The following DLG5 variants were observed in gnomAD, a reference collection of about 807,000 sequenced individuals.
DLG5 encodes the protein discs large MAGUK scaffold protein 5.
Under a neutral mutation model 189.8 loss-of-function variants are expected in DLG5, and 48 were observed. The observed-to-expected ratio is 0.25, with a 90% CI of 0.20 to 0.32. The LOEUF (loss-of-function observed/expected upper bound fraction) is 0.32, where lower values mean the gene tolerates loss of function less well. Among genes scored for constraint, DLG5 ranks in the 10% least tolerant of loss-of-function variants. DLG5 has a pLI of 1.00. For missense variants in DLG5, 2,160 were observed against 2,544.7 expected, an observed-to-expected ratio of 0.85 and a Z score of 3.25; for synonymous variants, 1,016 against 1,054.1, an observed-to-expected ratio of 0.96 and a Z score of 0.70.
chr10:77,853,350 C>G lies in DLG5; in HGVS notation c.864+4G>C. On this transcript the variant is annotated splice_donor_region_variant and intron_variant, in intron 5 of 31. Transcript: ENST00000372391. ...AATGGCCAGTCTCCAGGGGCTGGGC[C>G]TACCTGCTGCTGCTGGGCACGGAGG... 1 of 1,526,016 alleles carries G rather than the reference C, an allele frequency of 6.6e-7. No homozygotes were observed. Among genetic ancestry groups the G allele is most frequent in the Non-Finnish European group, 8.9e-7 (1 of 1,126,668 alleles). 94.5% of individuals were successfully genotyped at this position (1,526,016 alleles called of 1,614,324 possible).
At chr10:77,926,990 C>G, upstream of DLG5, 1 of 370,896 alleles carries the variant, frequency 2.7e-6, no homozygotes, top group South Asian at 1.8e-5. This position sits in a 1 kb window ranked among gnomAD's most constrained non-coding sequence, Gnocchi z 5.2. Context: ...CCCAGGCTCC[C>G]GACAGCTCCG....
chr10:77,798,365 G>T (rs900116556), intron 27 of DLG5, among the ~76,000 whole-genome samples: 2 of 152,076 alleles, frequency 1.3e-5, no homozygotes, highest in African/African-American at 4.8e-5. Context: ...CTCTGAGGAG[G>T]AGTCACGGGG....
chr10:77,852,491 C>A (rs1368055654), intron 5 of DLG5, among the ~76,000 whole-genome samples: 2 of 152,156 alleles, frequency 1.3e-5, no homozygotes, highest in Admixed American at 1.3e-4. Flanking sequence ...TCTTGGCTCA[C>A]CGCATGCTCT....
At chr10:77,816,499 A>G in intron 20 of DLG5, 52 bp downstream of exon 20, 1 of 1,613,052 alleles carries the variant, frequency 6.2e-7, no homozygotes. Context: ...CGCTGCCGGG[A>G]TGCACACTGT....
chr10:77,916,211 C>G (rs1316973602), intron 1 of DLG5, among the ~76,000 whole-genome samples: 1 of 152,046 alleles, frequency 6.6e-6, no homozygotes. Flanking sequence ...AGAGCAAGAC[C>G]CTGTCTCAAA....
intron 7 of DLG5, among the ~76,000 whole-genome samples, chr10:77,836,785 T>A (rs757877995): frequency 2.6e-5 from 4 of 152,076 alleles, no homozygotes; most frequent in Admixed American, 6.6e-5. Flanking sequence ...CAGGCTTTCC[T>A]CAGACCTCAC....
intron 1 of DLG5, among the ~76,000 whole-genome samples, chr10:77,876,521 T>C (rs574272330): frequency 1.3e-5 from 2 of 152,014 alleles, no homozygotes; most frequent in East Asian, 3.9e-4. Flanking sequence ...ACTACAGGCA[T>C]GCACCACCAT....
In DLG5 at chr10:77,796,673, T is replaced by C. The variant is rs1840940601; in HGVS notation, c.5165-79A>G. On this transcript the variant is annotated intron_variant, in intron 27 of 31. Transcript: ENST00000372391. The surrounding 1 kb of genome is among the most constrained non-coding windows in gnomAD (Gnocchi z 5.2). ...AGTGGGGCTGGGGAACCCCGCTCCC[T>C]GACCTCGCCCACTCTGGTTTGCCTG... is the stretch of plus-strand genomic sequence containing the variant. 2 of 1,565,398 alleles carry C rather than the reference T, an allele frequency of 1.3e-6. No homozygotes were observed. The highest frequency in any genetic ancestry group is 1.7e-6 in the Non-Finnish European group (2 of 1,145,526).
rs145288727 is a variant in DLG5, at chr10:77,814,268, G to A, written c.4026-1891C>T. On this transcript the variant is annotated intron_variant, in intron 20 of 31. Coordinates refer to ENST00000372391, the MANE Select transcript of DLG5 (RefSeq NM_004747.4). Reference sequence around the variant, plus strand: ...GCTGGGATTACAGGCATAGGCTACCGCGCCCAGCCAGAGATAATCTTTACT... The same window carrying A: ...GCTGGGATTACAGGCATAGGCTACCACGCCCAGCCAGAGATAATCTTTACT... 2.6e-3 allele frequency among the ~76,000 whole-genome samples: 394 copies of A among 152,030 alleles called. 2 individuals are homozygous for A. The highest frequency in any genetic ancestry group is 9.0e-3 in the African/African-American group (372 of 41,508).
At chr10:77,881,999 G>A (rs955873929) in intron 1 of DLG5, among the ~76,000 whole-genome samples, 1 of 152,310 alleles carries the variant, frequency 6.6e-6, no homozygotes, top group South Asian at 2.1e-4. Flanking sequence ...TTTCTTCAAT[G>A]TCATCTACAC....
intron 1 of DLG5, among the ~76,000 whole-genome samples, chr10:77,873,774 C>T (rs1377276899): frequency 6.6e-6 from 1 of 152,140 alleles, no homozygotes; most frequent in Non-Finnish European, 1.5e-5. Context: ...CCCTGTCCTC[C>T]AGAAGGGCCC....
chr10:77,840,061 C>T (rs1589193805), intron 7 of DLG5, among the ~76,000 whole-genome samples: 1 of 152,216 alleles, frequency 6.6e-6, no homozygotes, highest in South Asian at 2.1e-4. Flanking sequence ...TCATCATGAC[C>T]ACCATTCCAT....
At chr10:77,871,905 A>G (rs756724112) in intron 1 of DLG5, among the ~76,000 whole-genome samples, 2 of 152,086 alleles carry the variant, frequency 1.3e-5, no homozygotes, top group Non-Finnish European at 2.9e-5. Flanking sequence ...TGTTGCTTCA[A>G]TATCTGTGAA....
chr10:77,912,796 A>C (rs930944811), intron 1 of DLG5, among the ~76,000 whole-genome samples: 4 of 152,194 alleles, frequency 2.6e-5, no homozygotes, highest in African/African-American at 9.6e-5. Context: ...GCAGTGGCTC[A>C]CCACCCCAGC....
At chr10:77,844,367 T>TC (rs1200055973) in intron 5 of DLG5, among the ~76,000 whole-genome samples, 2 of 152,306 alleles carry the variant, frequency 1.3e-5, no homozygotes, top group African/African-American at 4.8e-5. Flanking sequence ...CACGCGCCTT[T>TC]CCCCCTTTGC....
chr10:77,815,817 T>C (rs1198243077), intron 20 of DLG5, among the ~76,000 whole-genome samples: 3 of 152,180 alleles, frequency 2.0e-5, no homozygotes, highest in Non-Finnish European at 4.4e-5. Flanking sequence ...AGATCTACAA[T>C]CTAGACAGAA....
chr10:77,926,512 G>A lies in DLG5; in HGVS notation c.9C>T (p.Pro3=). Residue 3 remains proline (P), a synonymous_variant, in exon 1 of 32, where the codon CCC becomes CCT. Coordinates refer to ENST00000372391, the MANE Select transcript of DLG5 (RefSeq NM_004747.4). The surrounding 1 kb of genome is among the most constrained non-coding windows in gnomAD (Gnocchi z 5.2). ...ACTGGGCGAGCAGCTCCCGGCGCTG[G>A]GGCTCCATGGTGGCGGGCCGCGCCG... ME[P]QRRELLAQCQ... The A allele has an allele frequency of 7.6e-7, 1 of 1,321,050 alleles. No individual in the cohort carries two copies. Among genetic ancestry groups the A allele is most frequent in the East Asian group, 3.1e-5 (1 of 32,038 alleles). 81.8% of individuals were successfully genotyped at this position (1,321,050 alleles called of 1,614,324 possible).
chr10:77,813,223 G>C (rs985933343), intron 20 of DLG5, among the ~76,000 whole-genome samples: 3 of 152,208 alleles, frequency 2.0e-5, no homozygotes, highest in African/African-American at 7.2e-5. Flanking sequence ...GGACACCTGA[G>C]ATTTTCCTCG....
intron 1 of DLG5, among the ~76,000 whole-genome samples, chr10:77,912,864 G>A (rs1846262909): frequency 6.6e-6 from 1 of 152,132 alleles, no homozygotes; most frequent in Non-Finnish European, 1.5e-5. Flanking sequence ...CCCACATGGG[G>A]AGCATCTTAA....
Sources: gnomAD v4.1 joint callset for allele counts (sites outside exome capture counted in the v4.1 genomes callset) on GRCh38, gnomAD v4.1.1 for gene constraint, Gnocchi (gnomAD v3.1) non-coding constraint, MANE v1.5 for transcripts, NCBI Gene and HGNC (gene_info 2026-07-23, HGNC 2026-07-21) for gene names.